ARFGEF3: variants seen among roughly 807,000 people sequenced by gnomAD.
ARFGEF3 encodes ARFGEF family member 3.
In ARFGEF3, 96 loss-of-function variants were observed where a neutral mutation model predicts 221.7. The observed-to-expected ratio is 0.43, with a 90% confidence interval of 0.37 to 0.51. ARFGEF3 has a LOEUF of 0.51. ARFGEF3 is among the 20% of genes least tolerant of loss of function. The pLI is 0.00. For synonymous variants in ARFGEF3, 1,145 were observed against 1,126.8 expected, an observed-to-expected ratio of 1.02 and a Z score of -0.32; for missense variants, 2,410 against 2,789.9, an observed-to-expected ratio of 0.86 and a Z score of 3.07.
In ARFGEF3 at chr6:138,335,231, T is replaced by C. The variant is rs770833979; in HGVS notation, c.6342+43T>C. 8 of 1,487,894 alleles carry C rather than the reference T, an allele frequency of 5.4e-6. No individual in the cohort carries two copies. In the South Asian group the frequency reaches 5.5e-5, roughly 10 times the overall value. The allele number at this position is 1,487,894 out of a possible 1,614,324, so 92.2% of individuals were successfully genotyped here. A position where few individuals can be genotyped will look rare whatever the true frequency, so the allele number is the denominator to read the frequency against. Reference sequence around the variant, plus strand: ...CAGCAGGTGGGCGGGAGGCTGGGTTTCCAGTACTGGATGGGCCCCCCCTTG... The same window carrying C: ...CAGCAGGTGGGCGGGAGGCTGGGTTCCCAGTACTGGATGGGCCCCCCCTTG... On this transcript the variant is annotated intron_variant, in intron 33 of 33. Transcript: ENST00000251691.
At chr6:138,269,045 G>A (rs2114601817) in intron 12 of ARFGEF3, among the ~76,000 whole-genome samples, 1 of 152,316 alleles carries the variant, frequency 6.6e-6, no homozygotes. Flanking sequence ...GTAAGGGGAG[G>A]CCCCCTCACC....
chr6:138,309,883 G>A (rs1276620316), intron 24 of ARFGEF3, among the ~76,000 whole-genome samples: 2 of 152,208 alleles, frequency 1.3e-5, no homozygotes, highest in Admixed American at 6.5e-5. Flanking sequence ...TACACTGGGT[G>A]AGGGTGGAGC....
At chr6:138,174,076 T>A (rs1211835120) in intron 2 of ARFGEF3, among the ~76,000 whole-genome samples, 1 of 152,066 alleles carries the variant, frequency 6.6e-6, no homozygotes, top group Non-Finnish European at 1.5e-5. Context: ...TTAAAAACAA[T>A]TTGGAAGGAA....
chr6:138,308,962 C>T lies in ARFGEF3; in HGVS notation c.4096+101C>T, dbSNP rs370433092. On this transcript the variant is annotated intron_variant, in intron 24 of 33. Transcript: ENST00000251691. Reference sequence around the variant, plus strand: ...GCCTACTGACTGTCTGGAACAAGCACGCATCCTGGGGTACAAGCAGATGGT... The same window carrying T: ...GCCTACTGACTGTCTGGAACAAGCATGCATCCTGGGGTACAAGCAGATGGT... 4.1e-5 allele frequency: 57 copies of T among 1,401,494 alleles called. 1 individual carries two copies. Among genetic ancestry groups the T allele is most frequent in the Admixed American group, 7.3e-5 (4 of 54,876 alleles). The allele number at this position is 1,401,494 out of a possible 1,614,324, so 86.8% of individuals were successfully genotyped here. A position where few individuals can be genotyped will look rare whatever the true frequency, so the allele number is the denominator to read the frequency against.
chr6:138,178,434 C>G (rs1298222683), intron 2 of ARFGEF3, among the ~76,000 whole-genome samples: 1 of 152,182 alleles, frequency 6.6e-6, no homozygotes, highest in African/African-American at 2.4e-5. Context: ...TTCTCACTTC[C>G]TTATCCTACT....
At chr6:138,238,700 C>G in intron 6 of ARFGEF3, 69 bp downstream of exon 6, 2 of 1,534,724 alleles carry the variant, frequency 1.3e-6, no homozygotes, top group East Asian at 4.6e-5. Context: ...CCCCGGGGCC[C>G]CCACTGCCAG....
chr6:138,296,644 A>G (rs1470180913), intron 20 of ARFGEF3, among the ~76,000 whole-genome samples, 166 bp from the exon 21 acceptor site: 1 of 152,094 alleles, frequency 6.6e-6, no homozygotes, highest in Non-Finnish European at 1.5e-5. Context: ...TTGCTAAGTG[A>G]ACCACCACAT....
rs1780440543 is a variant in ARFGEF3 at position 138,342,142 on chromosome 6, A to G, written c.*5656A>G. Reference sequence around the variant, plus strand: ...TTCTGTCTTTAGAACAGTGGTTCTCAAACTTTAGTACACATCAGCATCACC... The same window carrying G: ...TTCTGTCTTTAGAACAGTGGTTCTCGAACTTTAGTACACATCAGCATCACC... On this transcript the variant is annotated 3_prime_UTR_variant, in exon 34 of 34. Transcript: ENST00000251691. 6.6e-6 allele frequency: 1 copy of G among 152,224 alleles called. No homozygotes were observed. Among genetic ancestry groups the G allele is most frequent in the African/African-American group, 2.4e-5 (1 of 41,456 alleles). The allele number at this position is 152,224 out of a possible 1,614,324, so 9.4% of individuals were successfully genotyped here.
chr6:138,308,728 T>C lies in ARFGEF3; in HGVS notation c.3974-11T>C. ...TTACTTTCTTACAATTCTATAATCT[T>C]CCTCCCTTAGGAAAAGGCCAAGCTC... On this transcript the variant is annotated splice_polypyrimidine_tract_variant and intron_variant, in intron 23 of 33. Transcript: ENST00000251691. The C allele has an allele frequency of 2.5e-6, 4 of 1,613,780 alleles. No homozygotes were observed. The highest frequency in any genetic ancestry group is 3.4e-6 in the Non-Finnish European group (4 of 1,179,792).
In ARFGEF3 at chr6:138,335,141, G is replaced by T; in HGVS notation, c.6295G>T (p.Gly2099Trp). The T allele has an allele frequency of 6.3e-7, 1 of 1,589,378 alleles. No homozygotes were observed. Among genetic ancestry groups the T allele is most frequent in the Non-Finnish European group, 8.5e-7 (1 of 1,170,974 alleles). The change falls in exon 33 of 34, where the codon GGG becomes TGG. Residue 2099 changes from glycine to tryptophan, a missense_variant. Gly to Trp is a radical substitution (Grantham distance 184). Transcript: ENST00000251691. Reference protein sequence around the residue: ...QDKRPRSGSTGSSLSVSVRDA... With the variant: ...QDKRPRSGSTWSSLSVSVRDA... The stretch of plus-strand genomic sequence containing the variant: ...CAAGAGGCCCCGCTCAGGCTCCACC[G>T]GGAGCTCCCTCAGTGTCTCGGTGAG...
intron 1 of ARFGEF3, among the ~76,000 whole-genome samples, chr6:138,163,082 T>C (rs1776650509): frequency 6.6e-6 from 1 of 152,012 alleles, no homozygotes; most frequent in Non-Finnish European, 1.5e-5. Flanking sequence ...GAACCATCAC[T>C]GTCTGTCATG....
chr6:138,255,069 G>A (rs779494023), intron 9 of ARFGEF3, among the ~76,000 whole-genome samples: 13 of 152,198 alleles, frequency 8.5e-5, no homozygotes, highest in Non-Finnish European at 1.3e-4. Flanking sequence ...CAGGAAGGAA[G>A]CCAAATGATA....
chr6:138,197,221 A>T (rs1777445216), intron 2 of ARFGEF3, among the ~76,000 whole-genome samples: 1 of 152,212 alleles, frequency 6.6e-6, no homozygotes, highest in African/African-American at 2.4e-5. Context: ...GGTCAGGATC[A>T]TCAATGTCAC....
intron 2 of ARFGEF3, among the ~76,000 whole-genome samples, chr6:138,198,832 C>G (rs116489319): frequency 6.6e-6 from 1 of 152,268 alleles, no homozygotes; most frequent in African/African-American, 2.4e-5. Context: ...CCATTCTTAA[C>G]ATAGTGGACC....
rs1378109781 is a variant in ARFGEF3, at chr6:138,308,765, G to A, written c.4000G>A (p.Val1334Ile). 6.2e-7 allele frequency: 1 copy of A among 1,613,794 alleles called. No individual in the cohort carries two copies. Among genetic ancestry groups the A allele is most frequent in the East Asian group, 2.2e-5 (1 of 44,904 alleles). Residue 1334 changes from valine to isoleucine, a missense_variant, in exon 24 of 34, where the codon GTA (valine) becomes ATA (isoleucine). Val to Ile is a conservative substitution (Grantham distance 29). This residue lies in a region of ARFGEF3 where 723 missense variants were observed against 991.9 expected (regional missense o/e 0.73). Coordinates refer to ENST00000251691, the MANE Select transcript of ARFGEF3 (RefSeq NM_020340.5). Reference protein sequence around the residue: ...MGKGQAPVFDVFEAFLNTDNI... With the variant: ...MGKGQAPVFDIFEAFLNTDNI... ...AAAAGGCCAAGCTCCAGTGTTTGAT[G>A]TATTTGAAGCTTTTCTCAATACTGA...
At position 138,321,097 on chromosome 6, in the gene ARFGEF3, G is replaced by A; in HGVS notation, c.4652-14G>A. 1 of 1,473,830 alleles carries A rather than the reference G, an allele frequency of 6.8e-7. No individual in the cohort carries two copies. The highest frequency in any genetic ancestry group is 9.3e-7 in the Non-Finnish European group (1 of 1,075,416). The allele number at this position is 1,473,830 out of a possible 1,614,324, so 91.3% of individuals were successfully genotyped here. A position where few individuals can be genotyped will look rare whatever the true frequency, so the allele number is the denominator to read the frequency against. On this transcript the variant is annotated splice_polypyrimidine_tract_variant and intron_variant, in intron 28 of 33. Transcript: ENST00000251691. Reference sequence around the variant, plus strand: ...TAGAGCTGTGTGAAACTGTGATTTTGCTGTTTCCCATAGATATCAGGTACG... The same window carrying A: ...TAGAGCTGTGTGAAACTGTGATTTTACTGTTTCCCATAGATATCAGGTACG...
At chr6:138,240,633 A>C (rs1475855224) in intron 6 of ARFGEF3, among the ~76,000 whole-genome samples, 1 of 152,040 alleles carries the variant, frequency 6.6e-6, no homozygotes, top group Non-Finnish European at 1.5e-5. Flanking sequence ...CAAGATCTCA[A>C]ATTAGGTGGA....
At chr6:138,219,364 G>T (rs1329987805) in intron 4 of ARFGEF3, among the ~76,000 whole-genome samples, 1 of 152,212 alleles carries the variant, frequency 6.6e-6, no homozygotes, top group Admixed American at 6.5e-5. Flanking sequence ...CTCTCTGTAA[G>T]CAGGCAAGTG....
At chr6:138,175,784 T>G (rs1776933260) in intron 2 of ARFGEF3, among the ~76,000 whole-genome samples, 1 of 152,208 alleles carries the variant, frequency 6.6e-6, no homozygotes, top group Non-Finnish European at 1.5e-5. Flanking sequence ...CCAACTTAAG[T>G]CCAATGTCTC....
Sources: allele counts gnomAD v4.1 joint callset (sites outside exome capture counted in the v4.1 genomes callset), GRCh38; gene constraint gnomAD v4.1.1; regional missense constraint gnomAD v4.1.1; transcripts MANE v1.5; gene names NCBI Gene and HGNC (gene_info 2026-07-23, HGNC 2026-07-21).